BIRC6: variants seen among roughly 807,000 people sequenced by gnomAD.
BIRC6 encodes the protein dual E2 ubiquitin-conjugating enzyme/E3 ubiquitin-protein ligase BIRC6.
A neutral mutation model predicts 503.3 loss-of-function variants in BIRC6; 98 were observed. The ratio of observed to expected loss-of-function variants is 0.19; its 90% confidence interval spans 0.17 to 0.23. BIRC6 has a LOEUF of 0.23. Among genes scored for constraint, BIRC6 ranks in the 10% least tolerant of loss-of-function variants. The probability of loss-of-function intolerance (pLI) is 1.00; values close to 1 mark genes in which losing one functional copy is unlikely to be tolerated. For missense variants in BIRC6, 5,360 were observed against 5,806.0 expected (o/e 0.92, Z 2.50); for synonymous variants, 2,240 against 2,078.7 (o/e 1.08, Z -2.11).
At chr2:32,466,746 G>T (rs1325615581) in intron 26 of BIRC6, among the ~76,000 whole-genome samples, 1 of 152,166 alleles carries the variant, frequency 6.6e-6, no homozygotes, top group African/African-American at 2.4e-5. Flanking sequence ...TGTTTGTATA[G>T]TGGTTGATTG....
intron 5 of BIRC6, among the ~76,000 whole-genome samples, chr2:32,392,521 G>C (rs865799410): frequency 2.3e-4 from 35 of 152,172 alleles, no homozygotes; most frequent in African/African-American, 7.7e-4. Flanking sequence ...CTCCCAAAGT[G>C]CTGGGATTAC....
Position 32,515,099 on chromosome 2 carries a change from C to G in BIRC6, c.10678C>G (p.Leu3560Val), listed in dbSNP as rs756439391. 4 of 1,613,820 alleles carry G rather than the reference C, an allele frequency of 2.5e-6. No individual in the cohort carries two copies. The highest frequency in any genetic ancestry group is 4.5e-5 in the East Asian group (2 of 44,884). The part of the protein sequence containing the change: ...CHVHPNYFSL[L>V]MGWMGITPPP... ...CGTACACCCAAACTATTTTTCTTTGCTCATGGGCTGGATGGGAATTACCCC... is the reference window on the plus strand; with the variant it reads ...CGTACACCCAAACTATTTTTCTTTGGTCATGGGCTGGATGGGAATTACCCC... The change falls in exon 55 of 74, where the codon CTC becomes GTC. Residue 3560 changes from leucine (L) to valine (V), a missense_variant. Leu to Val is a conservative substitution (Grantham distance 32). Transcript: ENST00000421745.
chr2:32,557,246 C>G (rs2058846710), intron 65 of BIRC6: 2 of 152,166 alleles, frequency 1.3e-5, no homozygotes, highest in Admixed American at 1.3e-4. Context: ...TTTTTCTAAA[C>G]ATTTTCATAG....
chr2:32,419,586 T>C, intron 10 of BIRC6, among the ~76,000 whole-genome samples: 1 of 152,048 alleles, frequency 6.6e-6, no homozygotes, highest in East Asian at 1.9e-4. Flanking sequence ...GATGTATCAG[T>C]GGAGTATAAG....
At chr2:32,459,629 C>T (rs2047616915) in intron 23 of BIRC6, among the ~76,000 whole-genome samples, 1 of 152,050 alleles carries the variant, frequency 6.6e-6, no homozygotes, top group Non-Finnish European at 1.5e-5. Flanking sequence ...GAATTGGCAT[C>T]CTAATATTGA....
Position 32,518,222 on chromosome 2 carries a change from C to G in BIRC6, c.11350-32C>G, listed in dbSNP as rs763000946. ...AATAAAAAGCTGCATATAAATCTTG[C>G]ATTTAACTTTTTAAATATTTTGTCT... On this transcript the variant is annotated intron_variant, in intron 55 of 73. Coordinates refer to ENST00000421745, the MANE Select transcript of BIRC6 (RefSeq NM_016252.4). 1.9e-6 allele frequency: 3 copies of G among 1,587,742 alleles called. No homozygotes were observed. The South Asian group carries it at 3.4e-5, about 18-fold the overall frequency.
At chr2:32,509,353 C>G (rs1175199120) in intron 51 of BIRC6, among the ~76,000 whole-genome samples, 1 of 152,132 alleles carries the variant, frequency 6.6e-6, no homozygotes. Context: ...CTCCCGAGTT[C>G]AAATGATTCT....
At chr2:32,387,023 TTGACCA>T (rs1255105663) in intron 3 of BIRC6, among the ~76,000 whole-genome samples, 6 of 152,206 alleles carry the variant, frequency 3.9e-5, no homozygotes, top group Non-Finnish European at 7.3e-5. Context: ...TATTAATCGC[TTGACCA>T]TCCTACGTGC....
At chr2:32,559,718 T>C (rs2059024571) in intron 65 of BIRC6, among the ~76,000 whole-genome samples, 1 of 149,536 alleles carries the variant, frequency 6.7e-6, no homozygotes, top group African/African-American at 2.5e-5. Context: ...CTTCAAAATC[T>C]TTAAAAAAAA....
chr2:32,369,972 ATATATATATATATGTATGTATG>A lies in BIRC6; in HGVS notation c.326-7612_326-7591del, dbSNP rs2035647382. On this transcript the variant is annotated intron_variant, in intron 1 of 73. Transcript: ENST00000421745. The stretch of plus-strand genomic sequence containing the variant: ...TATATATATATATATATATATATAT[ATATATATATATATGTATGTATG>A]TATGTGTGTGTATATATATGCATAT... Among the ~76,000 whole-genome samples, 5 of 64,918 alleles carry A rather than the reference ATATATATATATATGTATGTATG, an allele frequency of 7.7e-5. No homozygotes were observed. In the South Asian group the frequency reaches 3.0e-3, roughly 39 times the overall value. The allele number at this position is 64,918 out of a possible 152,430, so 42.6% of individuals were successfully genotyped here. A position where few individuals can be genotyped will look rare whatever the true frequency, so the allele number is the denominator to read the frequency against.
chr2:32,522,357 TATA>T (rs532201549), intron 57 of BIRC6: 43 of 152,096 alleles, frequency 2.8e-4, no homozygotes, highest in Admixed American at 9.8e-4. Flanking sequence ...TTTCATGAAA[TATA>T]ATGATATTAT....
At chr2:32,383,422 T>A (rs2037982226) in intron 3 of BIRC6, among the ~76,000 whole-genome samples, 1 of 152,264 alleles carries the variant, frequency 6.6e-6, no homozygotes, top group Non-Finnish European at 1.5e-5. Flanking sequence ...TTGTATTACC[T>A]GTTCCTTATT....
At chr2:32,558,357 A>G (rs2058930072) in intron 65 of BIRC6, among the ~76,000 whole-genome samples, 1 of 152,200 alleles carries the variant, frequency 6.6e-6, no homozygotes, top group Admixed American at 6.5e-5. Flanking sequence ...CAATTCGGTA[A>G]GTTTAGAACA....
intron 6 of BIRC6, among the ~76,000 whole-genome samples, chr2:32,398,548 T>G (rs531107181): frequency 6.6e-6 from 1 of 152,334 alleles, no homozygotes; most frequent in Admixed American, 6.5e-5. Context: ...TTTAAAATTT[T>G]TTTTCATACA....
chr2:32,523,976 T>C (rs1432486371), intron 57 of BIRC6, among the ~76,000 whole-genome samples: 1 of 151,880 alleles, frequency 6.6e-6, no homozygotes, highest in Admixed American at 6.6e-5. Flanking sequence ...CCTGGGATGT[T>C]GAGGCTGCAG....
intron 28 of BIRC6, 65 bp from the exon 29 acceptor site, chr2:32,468,372 T>C (rs757771681): frequency 5.4e-6 from 7 of 1,308,200 alleles, no homozygotes; most frequent in Non-Finnish European, 7.4e-6. Flanking sequence ...TAATTCTTAG[T>C]ATTTGTACAT....
At position 32,357,307 on chromosome 2, in the gene BIRC6, C is replaced by G; in HGVS notation, c.146C>G (p.Ala49Gly). Residue 49 changes from alanine to glycine, a missense_variant, in exon 1 of 74, where the codon GCG becomes GGG. Around this residue, in one of 16 missense-constraint regions of BIRC6, gnomAD observed 145 missense variants for 106.9 expected, o/e 1.36. Coordinates refer to ENST00000421745, the MANE Select transcript of BIRC6 (RefSeq NM_016252.4). The surrounding 1 kb of genome is among the most constrained non-coding windows in gnomAD (Gnocchi z 4.9). ...TGCTCCTCGGCGGCGGGGGCGGGGGCGGCCGGGGTCTCAGAGTGGCTGGTG... is the reference window on the plus strand; with the variant it reads ...TGCTCCTCGGCGGCGGGGGCGGGGGGGGCCGGGGTCTCAGAGTGGCTGGTG... The part of the protein sequence containing the change: ...PGCSSAAGAG[A>G]AGVSEWLVLR... The G allele has an allele frequency of 6.6e-7, 1 of 1,526,046 alleles. No individual in the cohort carries two copies. The highest frequency in any genetic ancestry group is 1.2e-5 in the South Asian group (1 of 82,244). The allele number at this position is 1,526,046 out of a possible 1,614,324, so 94.5% of individuals were successfully genotyped here. A position where few individuals can be genotyped will look rare whatever the true frequency, so the allele number is the denominator to read the frequency against.
At chr2:32,444,524 C>T (rs570292291) in intron 20 of BIRC6, among the ~76,000 whole-genome samples, 63 of 152,306 alleles carry the variant, frequency 4.1e-4, no homozygotes, top group African/African-American at 1.2e-3. Context: ...TGAAGGGCTA[C>T]TAACTTGGCC....
In BIRC6 at chr2:32,505,337, T is replaced by C. The variant is rs552410311; in HGVS notation, c.9700+132T>C. 9.8e-6 allele frequency: 7 copies of C among 717,846 alleles called. No individual in the cohort carries two copies. In the East Asian group the frequency reaches 1.9e-4, roughly 20 times the overall value. The allele number at this position is 717,846 out of a possible 1,614,324, so 44.5% of individuals were successfully genotyped here. On this transcript the variant is annotated intron_variant, in intron 50 of 73. Coordinates refer to ENST00000421745, the MANE Select transcript of BIRC6 (RefSeq NM_016252.4). ...GAGAGTGTAACTTCTGAACAGTTTTTATTGAAATAATTAATACTACCAAGT... is the reference window on the plus strand; with the variant it reads ...GAGAGTGTAACTTCTGAACAGTTTTCATTGAAATAATTAATACTACCAAGT...
Sources: allele counts gnomAD v4.1 joint callset (sites outside exome capture counted in the v4.1 genomes callset), GRCh38; gene constraint gnomAD v4.1.1; regional missense constraint gnomAD v4.1.1; non-coding constraint Gnocchi (gnomAD v3.1); transcripts MANE v1.5; gene names NCBI Gene and HGNC (gene_info 2026-07-23, HGNC 2026-07-21).